CLUAP1: variants seen among roughly 807,000 people sequenced by gnomAD.
CLUAP1 encodes the protein clusterin-associated protein 1.
In CLUAP1, 50 loss-of-function variants were observed where a neutral mutation model predicts 55.0. That is an observed-to-expected ratio of 0.91 (90% CI 0.72 to 1.15). The LOEUF (loss-of-function observed/expected upper bound fraction) is 1.15. Ranked by LOEUF, CLUAP1 falls within the 50% of genes most tolerant of loss-of-function variation. The pLI is 0.00. For synonymous variants in CLUAP1, 195 were observed against 175.4 expected (o/e 1.11, Z -0.88); for missense variants, 530 against 507.6 (o/e 1.04, Z -0.42).
chr16:3,508,992 C>T (rs1001172939), intron 4 of CLUAP1, among the ~76,000 whole-genome samples: 1 of 151,536 alleles, frequency 6.6e-6, no homozygotes, highest in Non-Finnish European at 1.5e-5. Flanking sequence ...TGCAGTGACT[C>T]ACTCCTGTAA....
At chr16:3,509,493 C>T (rs1167157773) in intron 4 of CLUAP1, among the ~76,000 whole-genome samples, 1 of 152,216 alleles carries the variant, frequency 6.6e-6, no homozygotes, top group African/African-American at 2.4e-5. Flanking sequence ...AGCAGCGAGC[C>T]TGTTTGGAGA....
Position 3,536,141 on chromosome 16 carries a change from A to C in CLUAP1, c.1112A>C (p.Glu371Ala). Residue 371 changes from glutamate (E) to alanine (A), a missense_variant, in exon 12 of 12, where the codon GAA becomes GCA. By Grantham distance (107) the Glu-to-Ala change is moderately radical (BLOSUM62 -1). Coordinates refer to ENST00000576634, the MANE Select transcript of CLUAP1 (RefSeq NM_015041.3). ...SDDNEDSEES[E>A]IDMEDDDDED... ...CTATAGGAGGACTCGGAGGAGAGTG[A>C]AATTGACATGGAAGATGATGATGAC... The C allele has an allele frequency of 6.2e-7, 1 of 1,614,182 alleles. No individual in the cohort carries two copies. Among genetic ancestry groups the C allele is most frequent in the Non-Finnish European group, 8.5e-7 (1 of 1,180,028 alleles).
intron 2 of CLUAP1, among the ~76,000 whole-genome samples, chr16:3,505,512 A>T (rs1288688958): frequency 8.1e-5 from 12 of 147,984 alleles, no homozygotes; most frequent in African/African-American, 2.8e-4. Flanking sequence ...GCGCCACTGC[A>T]GTTCAGCCTG....
chr16:3,515,618 G>A, intron 6 of CLUAP1, 27 bp downstream of exon 6: 1 of 1,457,290 alleles, frequency 6.9e-7, no homozygotes, highest in Non-Finnish European at 9.4e-7. Context: ...TTTATATAAT[G>A]TTTTTTATGC....
At chr16:3,524,186 C>T (rs1249885434) in intron 8 of CLUAP1, among the ~76,000 whole-genome samples, 3 of 151,896 alleles carry the variant, frequency 2.0e-5, no homozygotes, top group South Asian at 4.2e-4. Flanking sequence ...CCTGTTGTCT[C>T]AGCTACTTGG....
In CLUAP1 at chr16:3,538,547, A is replaced by G. The variant is rs917690191; in HGVS notation, c.*2276A>G. 6 of 152,164 alleles carry G rather than the reference A, an allele frequency of 3.9e-5. No individual in the cohort carries two copies. The highest frequency in any genetic ancestry group is 7.3e-5 in the Non-Finnish European group (5 of 68,036). The allele number at this position is 152,164 out of a possible 1,614,324, so 9.4% of individuals were successfully genotyped here. On this transcript the variant is annotated 3_prime_UTR_variant, in exon 12 of 12. Coordinates refer to ENST00000576634, the MANE Select transcript of CLUAP1 (RefSeq NM_015041.3). ...TGAAAAAACATACGAATAGAGTTCT[A>G]TTTTCCTTATGTGATGCTTTCTTCT...
At chr16:3,500,885 T>C (rs2037381208), upstream of CLUAP1, 3 of 644,474 alleles carry the variant, frequency 4.7e-6, no homozygotes, top group South Asian at 1.9e-5. Context: ...AGGAGCGCTC[T>C]CTGCCGGCCC....
chr16:3,499,909 C>T (rs2037355350), upstream of CLUAP1, among the ~76,000 whole-genome samples: 1 of 152,256 alleles, frequency 6.6e-6, no homozygotes, highest in African/African-American at 2.4e-5. Context: ...AGAAGATTCA[C>T]TGCAACCAAC....
chr16:3,528,314 A>ACTCT (rs151134070), intron 9 of CLUAP1, among the ~76,000 whole-genome samples: 1 of 149,040 alleles, frequency 6.7e-6, no homozygotes. Context: ...TCCCACACAC[A>ACTCT]CTCTCTCTCT....
chr16:3,514,228 C>T (rs975796985), intron 5 of CLUAP1, among the ~76,000 whole-genome samples: 3 of 152,150 alleles, frequency 2.0e-5, no homozygotes, highest in Non-Finnish European at 4.4e-5. Context: ...TTCCATCCCA[C>T]GGGGTCTCTT....
Position 3,519,909 on chromosome 16 carries a change from G to C in CLUAP1, c.586G>C (p.Val196Leu). The C allele has an allele frequency of 6.2e-7, 1 of 1,600,816 alleles. No individual in the cohort carries two copies. The stretch of plus-strand genomic sequence containing the variant: ...TATTTCCCATTAAATATAGACACAG[G>C]TTCAGAAGACTAAAGACCTGCTCAA... Reference protein sequence around the residue: ...RIAIKEILTQVQKTKDLLNNV... With the variant: ...RIAIKEILTQLQKTKDLLNNV... The change falls in exon 7 of 12, where the codon GTT (valine) becomes CTT (leucine). Residue 196 changes from valine (V) to leucine (L), a missense_variant. Coordinates refer to ENST00000576634, the MANE Select transcript of CLUAP1 (RefSeq NM_015041.3).
At chr16:3,525,379 C>G (rs1340337772) in intron 8 of CLUAP1, among the ~76,000 whole-genome samples, 1 of 152,114 alleles carries the variant, frequency 6.6e-6, no homozygotes, top group Non-Finnish European at 1.5e-5. Flanking sequence ...TCTACCCTAC[C>G]CTTCCTTCAA....
At chr16:3,528,422 G>T (rs115251617) in intron 9 of CLUAP1, among the ~76,000 whole-genome samples, 1 of 152,126 alleles carries the variant, frequency 6.6e-6, no homozygotes, top group Non-Finnish European at 1.5e-5. Flanking sequence ...TTGGAGGAAG[G>T]ATAGGGACTG....
At chr16:3,496,612 C>T (rs1035537692), upstream of CLUAP1, 7 of 531,640 alleles carry the variant, frequency 1.3e-5, no homozygotes, top group Admixed American at 5.9e-5. Flanking sequence ...ACGGCGGCCC[C>T]GTCCTACTCT....
intron 9 of CLUAP1, among the ~76,000 whole-genome samples, chr16:3,529,605 T>TATA (rs2038039475): frequency 1.7e-4 from 7 of 42,094 alleles, no homozygotes; most frequent in African/African-American, 6.2e-4. Flanking sequence ...TTATATATTA[T>TATA]ATATTATATA....
chr16:3,500,355 G>A (rs2037365137), upstream of CLUAP1, among the ~76,000 whole-genome samples: 2 of 150,890 alleles, frequency 1.3e-5, no homozygotes, highest in Admixed American at 1.3e-4. Context: ...CGGGCTTCCT[G>A]AGTATAGTGC....
chr16:3,520,905 C>T (rs2037820497), intron 7 of CLUAP1, among the ~76,000 whole-genome samples: 1 of 152,140 alleles, frequency 6.6e-6, no homozygotes, highest in South Asian at 2.1e-4. Context: ...TGCTTCTGCT[C>T]TTTCTCCCTT....
chr16:3,500,483 C>T (rs1183596246), upstream of CLUAP1, among the ~76,000 whole-genome samples: 1 of 151,588 alleles, frequency 6.6e-6, no homozygotes, highest in Non-Finnish European at 1.5e-5. Context: ...AATTCTTCTG[C>T]CTCAGCCTCC....
chr16:3,530,928 C>A lies in CLUAP1; in HGVS notation c.1036+253C>A, dbSNP rs116538347. 6.3e-3 allele frequency among the ~76,000 whole-genome samples: 959 copies of A among 152,312 alleles called. 8 individuals are homozygous for A. Among genetic ancestry groups the A allele is most frequent in the African/African-American group, 0.021 (874 of 41,568 alleles). On this transcript the variant is annotated intron_variant, in intron 10 of 11. Transcript: ENST00000576634. ...TATGGCTTGGTATTTCTCACAGCCACAAGAACACATTGCCTCTGCCACTCT... is the reference window on the plus strand; with the variant it reads ...TATGGCTTGGTATTTCTCACAGCCAAAAGAACACATTGCCTCTGCCACTCT...
Sources: allele counts gnomAD v4.1 joint callset (sites outside exome capture counted in the v4.1 genomes callset), GRCh38; gene constraint gnomAD v4.1.1; transcripts MANE v1.5; gene names NCBI Gene and HGNC (gene_info 2026-07-23, HGNC 2026-07-21).